Variants in ADGRL3 observed in about 807,000 individuals in gnomAD.
The protein encoded by ADGRL3 is adhesion G protein-coupled receptor L3.
Under a neutral mutation model 153.5 loss-of-function variants are expected in ADGRL3, and 62 were observed. That is an observed-to-expected ratio of 0.40 (90% CI 0.33 to 0.50). ADGRL3 has a LOEUF of 0.50. Among genes scored for constraint, ADGRL3 ranks in the 20% least tolerant of loss-of-function variants. The probability of loss-of-function intolerance (pLI) is 0.47; values close to 1 mark genes in which losing one functional copy is unlikely to be tolerated. For missense variants in ADGRL3, 1,641 were observed against 1,859.4 expected (o/e 0.88, Z 2.16); for synonymous variants, 710 against 672.5 (o/e 1.06, Z -0.86).
intron 2 of ADGRL3, among the ~76,000 whole-genome samples, chr4:61,424,517 C>T (rs1031435578): frequency 6.6e-6 from 1 of 152,154 alleles, no homozygotes; most frequent in South Asian, 2.1e-4. Flanking sequence ...GGATGCCCAC[C>T]ATCTCTGTGG....
At chr4:61,269,497 T>C (rs1054583435) in intron 1 of ADGRL3, among the ~76,000 whole-genome samples, 5 of 151,654 alleles carry the variant, frequency 3.3e-5, no homozygotes, top group African/African-American at 1.2e-4. Context: ...ATGCCCACCT[T>C]TGCCAAGTTT....
In ADGRL3 at chr4:62,071,356, C is replaced by CA. The variant is rs1169628945; in HGVS notation, c.*452dup. The CA allele has an allele frequency of 6.0e-6, 1 of 167,830 alleles. No homozygotes were observed. The highest frequency in any genetic ancestry group is 1.3e-5 in the Non-Finnish European group (1 of 77,410). 10.4% of individuals were successfully genotyped at this position (167,830 alleles called of 1,614,324 possible). A position where few individuals can be genotyped will look rare whatever the true frequency, so the allele number is the denominator to read the frequency against. On this transcript the variant is annotated 3_prime_UTR_variant, in exon 27 of 27. Coordinates refer to ENST00000683033, the MANE Select transcript of ADGRL3 (RefSeq NM_001387552.1). ...TGCACAAACAAACATAAGAGCAAAG[C>CA]AAAACTGTATCACATAGGGTTTTTG...
intron 21 of ADGRL3, among the ~76,000 whole-genome samples, chr4:62,018,501 A>C (rs566510460): frequency 6.6e-6 from 1 of 152,260 alleles, no homozygotes; most frequent in South Asian, 2.1e-4. Context: ...TCAATTATTA[A>C]TGAAAGTCTG....
chr4:61,893,727 T>TTG (rs1231470488), intron 10 of ADGRL3, among the ~76,000 whole-genome samples: 329 of 148,818 alleles, frequency 2.2e-3, no homozygotes, highest in African/African-American at 7.7e-3. Flanking sequence ...TTTTTTTTTT[T>TTG]TTTGAGACGG....
In ADGRL3 at chr4:61,507,464, A is replaced by G. The variant is rs115995386; in HGVS notation, c.56-9851A>G. 5.8e-3 allele frequency among the ~76,000 whole-genome samples: 882 copies of G among 152,296 alleles called. 7 individuals carry two copies. Among genetic ancestry groups the G allele is most frequent in the Middle Eastern group, 0.02 (6 of 294 alleles). On this transcript the variant is annotated intron_variant, in intron 3 of 26. Coordinates refer to ENST00000683033, the MANE Select transcript of ADGRL3 (RefSeq NM_001387552.1). ...ATAATAATCACATCCAACATAACAT[A>G]ATCGATCATTTTGACATTTGAGCCT...
intron 4 of ADGRL3, among the ~76,000 whole-genome samples, chr4:61,583,000 AC>A (rs2098932192): frequency 6.6e-6 from 1 of 152,048 alleles, no homozygotes; most frequent in African/African-American, 2.4e-5. Flanking sequence ...CTGATTATTA[AC>A]CATTTGCAGA....
chr4:61,452,747 G>A (rs897814017), intron 2 of ADGRL3, among the ~76,000 whole-genome samples: 1 of 152,068 alleles, frequency 6.6e-6, no homozygotes, highest in Non-Finnish European at 1.5e-5. Context: ...GAGCATTTGT[G>A]ATATATAAAT....
chr4:61,549,630 A>G (rs2098731258), intron 4 of ADGRL3, among the ~76,000 whole-genome samples: 1 of 151,598 alleles, frequency 6.6e-6, no homozygotes, highest in South Asian at 2.1e-4. Context: ...TTTTTTTCTT[A>G]ATTTTATTAT....
chr4:61,965,088 C>T (rs1253227626), intron 17 of ADGRL3, among the ~76,000 whole-genome samples: 1 of 152,084 alleles, frequency 6.6e-6, no homozygotes, highest in Non-Finnish European at 1.5e-5. Context: ...ATAGCCTTGA[C>T]CCAGGCTTGG....
chr4:62,068,602 A>G (rs989290884), intron 26 of ADGRL3, among the ~76,000 whole-genome samples: 6 of 152,158 alleles, frequency 3.9e-5, no homozygotes, highest in African/African-American at 1.2e-4. Flanking sequence ...CACGTGTTTC[A>G]ATGCATCAGC....
intron 1 of ADGRL3, among the ~76,000 whole-genome samples, chr4:61,254,838 T>A (rs2091805738): frequency 6.6e-6 from 1 of 152,202 alleles, no homozygotes; most frequent in Non-Finnish European, 1.5e-5. Flanking sequence ...TTCTTCCTTG[T>A]GGATCACCTC....
chr4:61,904,109 C>T (rs1471418019), intron 11 of ADGRL3, among the ~76,000 whole-genome samples: 1 of 149,404 alleles, frequency 6.7e-6, no homozygotes, highest in South Asian at 2.1e-4. Flanking sequence ...AGTTTTTTTC[C>T]TTCCAACATT....
At chr4:62,019,378 A>T (rs989570867) in intron 21 of ADGRL3, among the ~76,000 whole-genome samples, 1 of 152,086 alleles carries the variant, frequency 6.6e-6, no homozygotes, top group Non-Finnish European at 1.5e-5. Context: ...ATTTAACTTT[A>T]TTATCATCAG....
intron 1 of ADGRL3, among the ~76,000 whole-genome samples, chr4:61,227,327 T>G (rs918789257): frequency 6.6e-5 from 10 of 152,116 alleles, no homozygotes; most frequent in African/African-American, 2.4e-4. Context: ...CACCTCAGCT[T>G]CCCAAGTTGC....
intron 6 of ADGRL3, among the ~76,000 whole-genome samples, chr4:61,709,078 G>A (rs1010098121): frequency 2.0e-5 from 3 of 152,018 alleles, no homozygotes; most frequent in Non-Finnish European, 4.4e-5. Context: ...CAAAGTGCTG[G>A]GATTCAAGGT....
chr4:61,515,956 AC>A (rs1263615845), intron 3 of ADGRL3, among the ~76,000 whole-genome samples: 2 of 152,222 alleles, frequency 1.3e-5, no homozygotes, highest in Admixed American at 6.5e-5. Flanking sequence ...CTTCTTTGGC[AC>A]CTTTTTCATT....
intron 4 of ADGRL3, among the ~76,000 whole-genome samples, chr4:61,565,621 T>C (rs1162910369): frequency 6.6e-6 from 1 of 152,084 alleles, no homozygotes; most frequent in Non-Finnish European, 1.5e-5. Context: ...TACTGCAACC[T>C]CTGCCTTCCG....
At chr4:61,545,834 ATGTTTGAGG>A (rs1434772753) in intron 4 of ADGRL3, among the ~76,000 whole-genome samples, 2 of 152,186 alleles carry the variant, frequency 1.3e-5, no homozygotes, top group East Asian at 3.9e-4. Flanking sequence ...TTCTCTCTCT[ATGTTTGAGG>A]TGTTTGAAGT....
chr4:61,674,979 C>A (rs933086723), intron 5 of ADGRL3, among the ~76,000 whole-genome samples: 6 of 151,962 alleles, frequency 3.9e-5, no homozygotes, highest in African/African-American at 1.4e-4. Context: ...AAAATCCTTA[C>A]AACTTGTTAA....
Sources: gnomAD v4.1 joint callset for allele counts (sites outside exome capture counted in the v4.1 genomes callset) on GRCh38, gnomAD v4.1.1 for gene constraint, MANE v1.5 for transcripts, NCBI Gene and HGNC (gene_info 2026-07-23, HGNC 2026-07-21) for gene names.